Variants in CACNA1I observed in about 807,000 individuals in gnomAD.
CACNA1I encodes the protein voltage-dependent T-type calcium channel subunit alpha-1I.
A neutral mutation model predicts 201.6 loss-of-function variants in CACNA1I; 74 were observed. The ratio of observed to expected loss-of-function variants is 0.37; its 90% CI spans 0.30 to 0.45. The LOEUF (loss-of-function observed/expected upper bound fraction) is 0.45, where lower values mean the gene tolerates loss of function less well. Among genes scored for constraint, CACNA1I ranks in the 20% least tolerant of loss-of-function variants. CACNA1I has a pLI of 1.00. For missense variants in CACNA1I, 2,346 were observed against 3,138.1 expected (o/e 0.75, Z 6.03); for synonymous variants, 1,431 against 1,345.2 (o/e 1.06, Z -1.40).
intron 32 of CACNA1I, 101 bp from the exon 33 acceptor site, chr22:39,679,621 G>C: frequency 3.3e-6 from 4 of 1,220,490 alleles, no homozygotes; most frequent in Non-Finnish European, 4.6e-6. Flanking sequence ...GGCCATGGGC[G>C]CAGAGAACCA....
rs1247402198 is a variant in CACNA1I, at chr22:39,649,274, C to T, written c.1568-227C>T. Among the ~76,000 whole-genome samples, 1 of 152,218 alleles carries T rather than the reference C, an allele frequency of 6.6e-6. No homozygotes were observed. The highest frequency in any genetic ancestry group is 1.5e-5 in the Non-Finnish European group (1 of 68,036). ...TGCCTTAAGGGAGAGAATCCTCCTACAGCCTGCATGGTGGGCGTTCCTGCC... is the reference window on the plus strand; with the variant it reads ...TGCCTTAAGGGAGAGAATCCTCCTATAGCCTGCATGGTGGGCGTTCCTGCC... On this transcript the variant is annotated intron_variant, in intron 9 of 36. Coordinates refer to ENST00000402142, the MANE Select transcript of CACNA1I (RefSeq NM_021096.4). The surrounding 1 kb of genome is among the most constrained non-coding windows in gnomAD (Gnocchi z 7.3).
chr22:39,574,306 G>T (rs1224418198), intron 1 of CACNA1I, among the ~76,000 whole-genome samples: 1 of 152,210 alleles, frequency 6.6e-6, no homozygotes, highest in Non-Finnish European at 1.5e-5. Flanking sequence ...GGACCCGGTG[G>T]CTGCAGCCGC....
At chr22:39,682,745 A>G in intron 35 of CACNA1I, 84 bp downstream of exon 35, 2 of 1,219,254 alleles carry the variant, frequency 1.6e-6, no homozygotes, top group Non-Finnish European at 2.3e-6. Flanking sequence ...TTTTTTCCTT[A>G]GTATTTTTAC....
chr22:39,657,195 GGGGTTCTTTGAACAAT>G (rs1934852135), intron 10 of CACNA1I, among the ~76,000 whole-genome samples: 1 of 152,136 alleles, frequency 6.6e-6, no homozygotes, highest in Non-Finnish European at 1.5e-5. Context: ...TTTGAACACT[GGGGTTCTTTGAACAAT>G]GCCATTTGCA....
chr22:39,577,021 G>C (rs1453691757), intron 1 of CACNA1I, among the ~76,000 whole-genome samples: 1 of 151,798 alleles, frequency 6.6e-6, no homozygotes, highest in Non-Finnish European at 1.5e-5. Flanking sequence ...GTGCGATCTC[G>C]GCTCACTGCA....
At chr22:39,654,386 G>A (rs934361160) in intron 10 of CACNA1I, among the ~76,000 whole-genome samples, 4 of 152,160 alleles carry the variant, frequency 2.6e-5, no homozygotes, top group African/African-American at 9.7e-5. Context: ...CCAAGTTGGA[G>A]AACAAAAAAC....
At chr22:39,654,635 G>T (rs1011643539) in intron 10 of CACNA1I, among the ~76,000 whole-genome samples, 3 of 152,204 alleles carry the variant, frequency 2.0e-5, no homozygotes, top group African/African-American at 7.2e-5. Flanking sequence ...TGGCTTAGTG[G>T]CTGACATTCC....
In CACNA1I at chr22:39,679,872, A is replaced by C. The variant is rs566545003; in HGVS notation, c.5541+4A>C. ...GTGTCACCACGACAAGCAAGAGGTA[A>C]TGGCAGCCCGGGAGGCCTGGCCCCT... On this transcript the variant is annotated splice_donor_region_variant and intron_variant, in intron 33 of 36. Transcript: ENST00000402142. 2 of 1,610,770 alleles carry C rather than the reference A, an allele frequency of 1.2e-6. No individual in the cohort carries two copies. The highest frequency in any genetic ancestry group is 2.2e-5 in the South Asian group (2 of 90,442).
At chr22:39,616,493 G>A (rs151148168) in intron 3 of CACNA1I, among the ~76,000 whole-genome samples, 1,828 of 152,112 alleles carry the variant, frequency 0.012, 38 homozygotes, top group African/African-American at 0.042. Flanking sequence ...GGCTGGGCAC[G>A]GTGGCTCACG....
intron 1 of CACNA1I, among the ~76,000 whole-genome samples, chr22:39,576,943 T>C (rs1470490578): frequency 1.4e-5 from 2 of 147,616 alleles, no homozygotes; most frequent in African/African-American, 4.8e-5. Context: ...TGGATGTCTG[T>C]GCTTCTTCTT....
intron 10 of CACNA1I, chr22:39,656,705 G>A (rs767126292): frequency 1.9e-6 from 1 of 519,052 alleles, no homozygotes. Context: ...TGTAACGGGA[G>A]AGCAGTTTGG....
At chr22:39,600,492 C>G in intron 2 of CACNA1I, 28 bp from the exon 3 acceptor site, 1 of 1,603,626 alleles carries the variant, frequency 6.2e-7, no homozygotes, top group Non-Finnish European at 8.5e-7. Flanking sequence ...TCACCCTGTC[C>G]CTTGCTTCCC....
rs1426493618 is a variant in CACNA1I, at chr22:39,686,299, C to A, written c.6566C>A (p.Pro2189His). The A allele has an allele frequency of 2.3e-6, 3 of 1,327,018 alleles. No homozygotes were observed. The highest frequency in any genetic ancestry group is 1.8e-5 in the South Asian group (1 of 54,292). The allele number at this position is 1,327,018 out of a possible 1,614,324, so 82.2% of individuals were successfully genotyped here. The change falls in exon 37 of 37, where the codon CCC becomes CAC. Residue 2189 changes from proline to histidine, a missense_variant. Transcript: ENST00000402142. ...GCCGCGGACCGCAGCAAGGACCCCC[C>A]CGGCCGGGCACCGCTGCCCATGGGC... is the stretch of plus-strand genomic sequence containing the variant. The part of the protein sequence containing the change: ...SWAADRSKDP[P>H]GRAPLPMGLG...
At chr22:39,593,898 G>T (rs1932850622) in intron 1 of CACNA1I, among the ~76,000 whole-genome samples, 1 of 152,224 alleles carries the variant, frequency 6.6e-6, no homozygotes, top group Admixed American at 6.5e-5. Context: ...TTTGGAAAAT[G>T]TTCAAGTTGT....
At chr22:39,652,103 G>C (rs1314298009) in intron 10 of CACNA1I, among the ~76,000 whole-genome samples, 1 of 150,968 alleles carries the variant, frequency 6.6e-6, no homozygotes, top group Non-Finnish European at 1.5e-5. Flanking sequence ...GTGTGATCTG[G>C]GCTCACTGCA....
At chr22:39,670,691 C>T (rs1173359120) in intron 25 of CACNA1I, 112 bp from the exon 26 acceptor site, 1 of 1,015,628 alleles carries the variant, frequency 9.8e-7, no homozygotes, top group South Asian at 1.4e-5. Context: ...GGATCAACAT[C>T]TTCCTCTTTG....
chr22:39,588,979 G>A (rs1378964245), intron 1 of CACNA1I, among the ~76,000 whole-genome samples: 2 of 152,176 alleles, frequency 1.3e-5, no homozygotes, highest in Admixed American at 6.6e-5. Context: ...CTCCATGCGG[G>A]CTTCTCATGC....
intron 1 of CACNA1I, among the ~76,000 whole-genome samples, chr22:39,587,939 A>C (rs132576): frequency 0.93 from 140,520 of 151,780 alleles, 65,267 homozygotes; most frequent in Middle Eastern, 0.96. Context: ...CCATGCCTGG[A>C]TAATTTTTCT....
chr22:39,618,200 T>G (rs1453797303), intron 3 of CACNA1I, among the ~76,000 whole-genome samples: 2 of 151,034 alleles, frequency 1.3e-5, no homozygotes, highest in African/African-American at 2.4e-5. Flanking sequence ...GTTGTGTACG[T>G]GTGTGTGACT....
Sources: allele counts gnomAD v4.1 joint callset (sites outside exome capture counted in the v4.1 genomes callset), GRCh38; gene constraint gnomAD v4.1.1; non-coding constraint Gnocchi (gnomAD v3.1); transcripts MANE v1.5; gene names NCBI Gene and HGNC (gene_info 2026-07-23, HGNC 2026-07-21).